The following TFEC variants were observed in gnomAD, a reference collection of about 807,000 sequenced individuals.
TFEC encodes transcription factor EC.
In TFEC, 31 loss-of-function variants were observed where a neutral mutation model predicts 41.6. That is an observed-to-expected ratio of 0.74 (90% CI 0.56 to 1.01). The LOEUF (loss-of-function observed/expected upper bound fraction) is 1.01, where lower values mean the gene tolerates loss of function less well. TFEC is among the 50% of genes least tolerant of loss of function. The pLI is 0.00. For missense variants in TFEC, 402 were observed against 404.1 expected, an observed-to-expected ratio of 0.99 and a Z score of 0.04; for synonymous variants, 143 against 140.6, an observed-to-expected ratio of 1.02 and a Z score of -0.12.
intron 3 of TFEC, among the ~76,000 whole-genome samples, chr7:116,108,720 C>G (rs566813328): frequency 6.6e-6 from 1 of 152,058 alleles, no homozygotes; most frequent in South Asian, 2.1e-4. Context: ...CCTACAATAA[C>G]CTCCTACCCC....
At chr7:116,116,751 T>C (rs1417461236) in intron 1 of TFEC, among the ~76,000 whole-genome samples, 2 of 151,892 alleles carry the variant, frequency 1.3e-5, no homozygotes, top group Admixed American at 6.6e-5. Context: ...CTGATTCTCA[T>C]TGAAGGGTCT....
intron 3 of TFEC, among the ~76,000 whole-genome samples, chr7:116,106,789 G>A (rs979518419): frequency 6.6e-5 from 10 of 152,146 alleles, no homozygotes; most frequent in African/African-American, 2.2e-4. Flanking sequence ...AGTTTTGAGC[G>A]AGCTCTGAAA....
chr7:115,947,623 G>A (rs1193556305), intron 6 of TFEC, among the ~76,000 whole-genome samples: 2 of 151,512 alleles, frequency 1.3e-5, no homozygotes, highest in African/African-American at 4.8e-5. Flanking sequence ...TAACTGGTGT[G>A]AGATGGTATC....
chr7:116,097,556 C>T (rs1045541352), intron 3 of TFEC, among the ~76,000 whole-genome samples: 1 of 152,058 alleles, frequency 6.6e-6, no homozygotes. Context: ...AAGTGACTAA[C>T]AGGAAGTAGC....
chr7:116,106,055 A>C (rs1237637581), intron 3 of TFEC, among the ~76,000 whole-genome samples: 1 of 152,174 alleles, frequency 6.6e-6, no homozygotes, highest in Non-Finnish European at 1.5e-5. Flanking sequence ...TCAGCATTCC[A>C]AGAAGATAGA....
At chr7:116,048,220 C>G (rs1796218626) in intron 3 of TFEC, among the ~76,000 whole-genome samples, 1 of 152,120 alleles carries the variant, frequency 6.6e-6, no homozygotes, top group Non-Finnish European at 1.5e-5. Flanking sequence ...CACAAAGAAG[C>G]TAAAAACCTT....
chr7:116,023,773 A>T (rs1795485749), intron 1 of TFEC, among the ~76,000 whole-genome samples: 1 of 152,140 alleles, frequency 6.6e-6, no homozygotes, highest in South Asian at 2.1e-4. Context: ...TCCCAGGGAA[A>T]AATGCTAAAT....
upstream of TFEC, chr7:116,030,772 C>G: frequency 1.0e-6 from 1 of 985,300 alleles, no homozygotes; most frequent in South Asian, 4.7e-5. Context: ...ATACTTTGGG[C>G]TGGTTGGAAT....
chr7:116,040,950 A>G (rs1796022607), intron 3 of TFEC, among the ~76,000 whole-genome samples: 1 of 152,202 alleles, frequency 6.6e-6, no homozygotes, highest in Admixed American at 6.5e-5. Flanking sequence ...TAAGAAATTT[A>G]AAATGAAATA....
At chr7:116,064,209 C>T (rs1161631251) in intron 3 of TFEC, among the ~76,000 whole-genome samples, 1 of 151,902 alleles carries the variant, frequency 6.6e-6, no homozygotes, top group Non-Finnish European at 1.5e-5. Context: ...TGTTAAAAAT[C>T]ACTGAGACTG....
intron 3 of TFEC, among the ~76,000 whole-genome samples, chr7:116,067,569 A>AGTC (rs1230538183): frequency 1.3e-5 from 2 of 152,034 alleles, no homozygotes; most frequent in Non-Finnish European, 2.9e-5. Context: ...TATACAGAGT[A>AGTC]GTCAGTGATG....
intron 6 of TFEC, among the ~76,000 whole-genome samples, chr7:115,943,426 TA>T (rs921019188): frequency 1.7e-4 from 25 of 150,886 alleles, no homozygotes; most frequent in African/African-American, 6.1e-4. Context: ...GAAACAGATT[TA>T]AAAAAAAAGA....
chr7:116,046,667 C>T (rs887232872), intron 3 of TFEC, among the ~76,000 whole-genome samples: 4 of 152,300 alleles, frequency 2.6e-5, no homozygotes, highest in Non-Finnish European at 4.4e-5. Context: ...TAGTGATTTA[C>T]GTGATGCTTT....
chr7:115,947,322 C>G (rs369206741), intron 6 of TFEC, among the ~76,000 whole-genome samples: 1 of 151,402 alleles, frequency 6.6e-6, no homozygotes, highest in Non-Finnish European at 1.5e-5. Context: ...TCTATCATTG[C>G]TGGACATTTG....
intron 3 of TFEC, among the ~76,000 whole-genome samples, chr7:116,044,744 C>T (rs971035953): frequency 2.0e-5 from 3 of 152,350 alleles, no homozygotes; most frequent in East Asian, 3.9e-4. Flanking sequence ...CAGGCATCTG[C>T]CAGCTGCCTT....
intron 1 of TFEC, among the ~76,000 whole-genome samples, chr7:116,002,841 A>T (rs1794650271): frequency 6.6e-6 from 1 of 152,150 alleles, no homozygotes; most frequent in South Asian, 2.1e-4. Flanking sequence ...AAGAAAGTGG[A>T]CTTGGATTAG....
upstream of TFEC, among the ~76,000 whole-genome samples, chr7:116,033,481 T>A (rs952292294): frequency 3.3e-5 from 5 of 152,172 alleles, no homozygotes; most frequent in African/African-American, 1.2e-4. Flanking sequence ...AAATGCCATG[T>A]GAGTTTTACC....
chr7:116,062,065 C>CT (rs1215931330), intron 3 of TFEC, among the ~76,000 whole-genome samples: 94 of 142,302 alleles, frequency 6.6e-4, no homozygotes, highest in African/African-American at 1.3e-3. Context: ...CTGTACCATT[C>CT]TTTTTTTTTT....
In TFEC at chr7:115,984,482, G is replaced by A. The variant is rs201704786; in HGVS notation, c.-41C>T. On this transcript the variant is annotated 5_prime_UTR_variant, in exon 2 of 8. Transcript: ENST00000265440. ...CTGTCTCTGGGCTTTCTGTAGCTGA[G>A]GCCTTGCAGAACTTTCCAGGTGTGC... 3.7e-6 allele frequency: 6 copies of A among 1,613,988 alleles called. No individual in the cohort carries two copies. The highest frequency in any genetic ancestry group is 4.2e-6 in the Non-Finnish European group (5 of 1,179,966).
Sources: allele counts gnomAD v4.1 joint callset (sites outside exome capture counted in the v4.1 genomes callset), GRCh38; gene constraint gnomAD v4.1.1; transcripts MANE v1.5; gene names NCBI Gene and HGNC (gene_info 2026-07-23, HGNC 2026-07-21).